The following CACNA2D2 variants were observed in gnomAD, a reference collection of about 807,000 sequenced individuals.
CACNA2D2 encodes calcium voltage-gated channel auxiliary subunit alpha2delta 2.
Under a neutral mutation model 166.4 loss-of-function variants are expected in CACNA2D2, and 48 were observed. The observed-to-expected ratio is 0.29, with a 90% confidence interval of 0.23 to 0.37. CACNA2D2 has a LOEUF of 0.37. Among genes scored for constraint, CACNA2D2 ranks in the 10% least tolerant of loss-of-function variants. CACNA2D2 has a pLI of 1.00. For synonymous variants in CACNA2D2, 561 were observed against 573.7 expected (o/e 0.98, Z 0.32); for missense variants, 1,122 against 1,433.0 (o/e 0.78, Z 3.50).
intron 3 of CACNA2D2, among the ~76,000 whole-genome samples, chr3:50,424,849 T>C (rs1043932172): frequency 6.6e-6 from 1 of 151,988 alleles, no homozygotes; most frequent in African/African-American, 2.4e-5. Flanking sequence ...CTGGAGCCAG[T>C]GAAACCTCAG....
At chr3:50,486,541 C>T (rs778205506) in intron 1 of CACNA2D2, among the ~76,000 whole-genome samples, 30 of 152,182 alleles carry the variant, frequency 2.0e-4, no homozygotes, top group Non-Finnish European at 4.0e-4. Context: ...TGTGGAAGCT[C>T]ACAGGCCCCC....
At chr3:50,465,531 G>C (rs544454053) in intron 2 of CACNA2D2, among the ~76,000 whole-genome samples, 2 of 152,318 alleles carry the variant, frequency 1.3e-5, no homozygotes, top group South Asian at 4.2e-4. Flanking sequence ...TCAGGTACAA[G>C]TTCAACAGAT....
chr3:50,430,169 G>T (rs1486932666), intron 3 of CACNA2D2, among the ~76,000 whole-genome samples: 2 of 152,164 alleles, frequency 1.3e-5, no homozygotes, highest in Non-Finnish European at 2.9e-5. Context: ...CCATGTTGAT[G>T]TCCTTCTGGA....
chr3:50,478,488 G>A (rs372172755), intron 1 of CACNA2D2, among the ~76,000 whole-genome samples: 32 of 152,364 alleles, frequency 2.1e-4, no homozygotes, highest in African/African-American at 7.5e-4. Context: ...ACTCACTGGT[G>A]TAGAGAACAA....
intron 2 of CACNA2D2, among the ~76,000 whole-genome samples, chr3:50,437,902 CAG>C (rs1227117076): frequency 1.3e-5 from 2 of 152,178 alleles, no homozygotes; most frequent in Non-Finnish European, 2.9e-5. Flanking sequence ...GTCCTTGGCC[CAG>C]AGAGTTAATT....
At position 50,384,345 on chromosome 3, in the gene CACNA2D2, A is replaced by G. The variant is rs1009643795; in HGVS notation, c.511-8T>C. 6.2e-7 allele frequency: 1 copy of G among 1,613,394 alleles called. No individual in the cohort carries two copies. Among genetic ancestry groups the G allele is most frequent in the Non-Finnish European group, 8.5e-7 (1 of 1,179,662 alleles). On this transcript the variant is annotated splice_polypyrimidine_tract_variant and splice_region_variant and intron_variant, in intron 5 of 37. Coordinates refer to ENST00000424201, the MANE Select transcript of CACNA2D2 (RefSeq NM_006030.4). ...CTCACTCTCAGGGTCGTCCTGCAGA[A>G]AGGGCACCCCCGAGCAATGTCAGGG...
At chr3:50,406,203 A>G (rs1002013902) in intron 3 of CACNA2D2, among the ~76,000 whole-genome samples, 3 of 151,808 alleles carry the variant, frequency 2.0e-5, no homozygotes, top group Non-Finnish European at 4.4e-5. Flanking sequence ...TGCCATGCAA[A>G]TTGGCACAGA....
intron 2 of CACNA2D2, among the ~76,000 whole-genome samples, chr3:50,460,420 C>G (rs565982301): frequency 6.6e-6 from 1 of 151,896 alleles, no homozygotes; most frequent in Non-Finnish European, 1.5e-5. Context: ...TAAAATTATT[C>G]TTTTTTTGTT....
chr3:50,483,849 T>C (rs1698164649), intron 1 of CACNA2D2, among the ~76,000 whole-genome samples: 1 of 152,170 alleles, frequency 6.6e-6, no homozygotes, highest in Non-Finnish European at 1.5e-5. Context: ...GGGATCTCAC[T>C]GCACTGCCTT....
chr3:50,417,314 C>A (rs1707310652), intron 3 of CACNA2D2, among the ~76,000 whole-genome samples: 2 of 152,236 alleles, frequency 1.3e-5, no homozygotes, highest in South Asian at 4.1e-4. Context: ...GATATCCACA[C>A]AGGGCACATC....
chr3:50,440,226 G>A lies in CACNA2D2; in HGVS notation c.289-5797C>T, dbSNP rs377338460. On this transcript the variant is annotated intron_variant, in intron 2 of 37. Transcript: ENST00000424201. ...GTGTGTGACTGGCAGCTCCCCAGGA[G>A]GGGGCTAAGGCCTGTCCCTCACCAG... Among the ~76,000 whole-genome samples, 259 of 152,362 alleles carry A rather than the reference G, an allele frequency of 1.7e-3. 2 individuals are homozygous for A. The highest frequency in any genetic ancestry group is 5.8e-3 in the African/African-American group (241 of 41,588).
chr3:50,454,937 C>T (rs926144292), intron 2 of CACNA2D2, among the ~76,000 whole-genome samples: 7 of 152,134 alleles, frequency 4.6e-5, no homozygotes, highest in African/African-American at 1.7e-4. Flanking sequence ...CTGGATGGCG[C>T]CCCCCTTGAA....
intron 1 of CACNA2D2, among the ~76,000 whole-genome samples, chr3:50,501,370 G>A (rs1051954684): frequency 2.0e-5 from 3 of 150,952 alleles, no homozygotes; most frequent in African/African-American, 7.3e-5. Context: ...CCCTCAGAGC[G>A]GCACAGCCCC....
rs567140505 is a variant in CACNA2D2, at chr3:50,443,475, T to G, written c.289-9046A>C. On this transcript the variant is annotated intron_variant, in intron 2 of 37. Transcript: ENST00000424201. ...AAACTGGCTGCAGACTACCAGGCAG[T>G]GAGTGGAGGTGCCTGTGGCACTGGG... 5.9e-5 allele frequency among the ~76,000 whole-genome samples: 9 copies of G among 152,332 alleles called. No individual in the cohort carries two copies. The East Asian group carries it at 1.7e-3, about 29-fold the overall frequency.
chr3:50,400,469 CG>C (rs2073867580), intron 3 of CACNA2D2, among the ~76,000 whole-genome samples: 1 of 152,264 alleles, frequency 6.6e-6, no homozygotes, highest in South Asian at 2.1e-4. Context: ...GCCACCTCAG[CG>C]ACTTTGTGGC....
At chr3:50,405,938 A>C (rs903667933) in intron 3 of CACNA2D2, among the ~76,000 whole-genome samples, 10 of 152,002 alleles carry the variant, frequency 6.6e-5, no homozygotes, top group Non-Finnish European at 1.0e-4. Flanking sequence ...CCACTCATGC[A>C]CTCTGACCCC....
At chr3:50,501,612 T>C (rs576789603) in intron 1 of CACNA2D2, among the ~76,000 whole-genome samples, 183 of 152,280 alleles carry the variant, frequency 1.2e-3, no homozygotes, top group Non-Finnish European at 2.2e-3. Context: ...TCTGACCAAC[T>C]GCACGTTGCA....
At chr3:50,390,463 A>G (rs377651083) in intron 4 of CACNA2D2, among the ~76,000 whole-genome samples, 5 of 152,124 alleles carry the variant, frequency 3.3e-5, no homozygotes, top group Admixed American at 6.6e-5. Context: ...ATGAGTGGCC[A>G]CCTTCTGTCT....
At chr3:50,387,110 G>C (rs1705646863) in intron 5 of CACNA2D2, among the ~76,000 whole-genome samples, 1 of 152,158 alleles carries the variant, frequency 6.6e-6, no homozygotes, top group African/African-American at 2.4e-5. Context: ...GTGACCCTAG[G>C]TGAGCTCAGG....
Sources: allele counts gnomAD v4.1 joint callset (sites outside exome capture counted in the v4.1 genomes callset), GRCh38; gene constraint gnomAD v4.1.1; transcripts MANE v1.5; gene names NCBI Gene and HGNC (gene_info 2026-07-23, HGNC 2026-07-21).